Variants in RASGRP3 observed in about 807,000 individuals in gnomAD.
RASGRP3 encodes the protein RAS guanyl releasing protein 3.
A neutral mutation model predicts 82.7 loss-of-function variants in RASGRP3; 54 were observed. That is an observed-to-expected ratio of 0.65 (90% CI 0.52 to 0.82). The LOEUF (loss-of-function observed/expected upper bound fraction) is 0.82. Among genes scored for constraint, RASGRP3 ranks in the 40% least tolerant of loss-of-function variants. RASGRP3 has a pLI of 0.00. For synonymous variants in RASGRP3, 309 were observed against 300.5 expected (o/e 1.03, Z -0.29); for missense variants, 861 against 828.9 (o/e 1.04, Z -0.48).
At chr2:33,450,858 G>T (rs1202846228) in intron 2 of RASGRP3, among the ~76,000 whole-genome samples, 1 of 10,452 alleles carries the variant, frequency 9.6e-5, no homozygotes, top group Non-Finnish European at 2.4e-4. Flanking sequence ...TTTTTTTTGA[G>T]ACAGAGTCTT....
intron 1 of RASGRP3, chr2:33,436,690 C>A (rs1020697973): frequency 6.6e-6 from 1 of 152,146 alleles, no homozygotes; most frequent in African/African-American, 2.4e-5. Flanking sequence ...GAGGTCCGAT[C>A]CTCATGTAAC....
intron 14 of RASGRP3, among the ~76,000 whole-genome samples, chr2:33,553,221 G>A (rs1675546413): frequency 6.6e-6 from 1 of 152,098 alleles, no homozygotes; most frequent in African/African-American, 2.4e-5. Context: ...GTATGCAGGG[G>A]CAATGGCTTC....
intron 2 of RASGRP3, among the ~76,000 whole-genome samples, chr2:33,462,602 T>TCCTGACCTCAGGTGATTCACCCG (rs1322756574): frequency 3.3e-5 from 5 of 152,096 alleles, no homozygotes; most frequent in Non-Finnish European, 7.4e-5. Context: ...GGTTTCAAAC[T>TCCTGACCTCAGGTGATTCACCCG]CCTGACCTCA....
chr2:33,555,450 C>A, intron 14 of RASGRP3, 81 bp from the exon 15 acceptor site: 3 of 1,294,974 alleles, frequency 2.3e-6, no homozygotes, highest in East Asian at 2.4e-5. Flanking sequence ...TGAAGCTTCC[C>A]AGGACTTCCT....
intron 13 of RASGRP3, among the ~76,000 whole-genome samples, chr2:33,546,265 T>C (rs1186069080): frequency 6.6e-6 from 1 of 151,310 alleles, no homozygotes; most frequent in Non-Finnish European, 1.5e-5. Context: ...CTACTAAAAA[T>C]ACAAAAAATT....
At chr2:33,499,819 G>A (rs1669696049) in intron 1 of RASGRP3, among the ~76,000 whole-genome samples, 1 of 151,614 alleles carries the variant, frequency 6.6e-6, no homozygotes, top group South Asian at 2.1e-4. Context: ...AAACCAATTT[G>A]AAGTGTACAG....
intron 1 of RASGRP3, among the ~76,000 whole-genome samples, chr2:33,440,841 C>T (rs1665185437): frequency 6.6e-6 from 1 of 152,122 alleles, no homozygotes; most frequent in Non-Finnish European, 1.5e-5. Context: ...GAATACAATA[C>T]AATTTTATTA....
At position 33,518,697 on chromosome 2, in the gene RASGRP3, TACTC is replaced by T. The variant is rs1292785226; in HGVS notation, c.174-1254_174-1251del. ...TCTTAATATCTTTATTCTACAAACT[TACTC>T]TATTTAAATTTTTTTTTTTACTTTT... is the stretch of plus-strand genomic sequence containing the variant. On this transcript the variant is annotated intron_variant, in intron 4 of 17. Coordinates refer to ENST00000403687, the MANE Select transcript of RASGRP3 (RefSeq NM_001139488.2). Among the ~76,000 whole-genome samples the T allele has an allele frequency of 5.9e-5, 9 of 152,152 alleles. No homozygotes were observed. The East Asian group carries it at 1.2e-3, about 20-fold the overall frequency.
chr2:33,452,834 C>G (rs535948034), intron 2 of RASGRP3, among the ~76,000 whole-genome samples: 15 of 152,268 alleles, frequency 9.9e-5, no homozygotes, highest in African/African-American at 3.1e-4. Flanking sequence ...GCTATAGAGG[C>G]CTGCTTGCAG....
At chr2:33,555,661 A>T in intron 15 of RASGRP3, 94 bp downstream of exon 15, 1 of 1,141,838 alleles carries the variant, frequency 8.8e-7, no homozygotes, top group Non-Finnish European at 1.3e-6. Flanking sequence ...TCTTGCCATT[A>T]TTCGGAATTT....
chr2:33,512,725 ATTCAT>A (rs1352762151), intron 2 of RASGRP3, among the ~76,000 whole-genome samples: 1 of 152,224 alleles, frequency 6.6e-6, no homozygotes, highest in Non-Finnish European at 1.5e-5. Context: ...GTTTCATGAT[ATTCAT>A]TTCCTCACCC....
At chr2:33,463,529 A>G (rs1666496607) in intron 2 of RASGRP3, among the ~76,000 whole-genome samples, 1 of 151,314 alleles carries the variant, frequency 6.6e-6, no homozygotes, top group Non-Finnish European at 1.5e-5. Context: ...GGGGGCCCAC[A>G]GAGGCTGGGG....
intron 1 of RASGRP3, among the ~76,000 whole-genome samples, chr2:33,486,314 C>T (rs1668375649): frequency 6.6e-6 from 1 of 151,970 alleles, no homozygotes; most frequent in Non-Finnish European, 1.5e-5. Context: ...CAGGTGCCCA[C>T]CACCAAACCC....
At chr2:33,491,682 A>ATG (rs1668856639) in intron 1 of RASGRP3, among the ~76,000 whole-genome samples, 1 of 152,276 alleles carries the variant, frequency 6.6e-6, no homozygotes, top group Non-Finnish European at 1.5e-5. Flanking sequence ...CCAACAAAAT[A>ATG]TCATCAGTCC....
Position 33,559,094 on chromosome 2 carries a change from G to T in RASGRP3, c.2064+64G>T. 5.2e-6 allele frequency: 7 copies of T among 1,345,274 alleles called. No individual in the cohort carries two copies. In the African/African-American group the frequency reaches 7.4e-5, roughly 14 times the overall value. 83.3% of individuals were successfully genotyped at this position (1,345,274 alleles called of 1,614,324 possible). Reference sequence around the variant, plus strand: ...GGAGGCTGAAAGTGCTGAGATGAGCGTTACAGAGGGTCTGGGGGGCAGCCT... The same window carrying T: ...GGAGGCTGAAAGTGCTGAGATGAGCTTTACAGAGGGTCTGGGGGGCAGCCT... On this transcript the variant is annotated intron_variant, in intron 17 of 17. Coordinates refer to ENST00000403687, the MANE Select transcript of RASGRP3 (RefSeq NM_001139488.2).
chr2:33,514,941 G>C (rs1469847921), intron 2 of RASGRP3, 69 bp from the exon 3 acceptor site: 1 of 579,548 alleles, frequency 1.7e-6, no homozygotes, highest in Non-Finnish European at 3.1e-6. Flanking sequence ...TTTTCAGGTA[G>C]GAAAGTGATG....
At chr2:33,536,382 G>A (rs2151060009) in intron 11 of RASGRP3, among the ~76,000 whole-genome samples, 1 of 151,566 alleles carries the variant, frequency 6.6e-6, no homozygotes, top group Non-Finnish European at 1.5e-5. Context: ...GTGAGAGTAG[G>A]TATCTCACTC....
At chr2:33,498,685 G>A (rs895373575) in intron 1 of RASGRP3, among the ~76,000 whole-genome samples, 1 of 152,132 alleles carries the variant, frequency 6.6e-6, no homozygotes, top group African/African-American at 2.4e-5. Flanking sequence ...TCTGTGTGCA[G>A]CATTCTCCTT....
In RASGRP3 at chr2:33,524,894, G is replaced by A. The variant is rs189143112; in HGVS notation, c.807+346G>A. ...GGAGATCTATACCATCCTGGCTAAC[G>A]TGGTGAAACCCCGTCTCTACTAAAA... On this transcript the variant is annotated intron_variant, in intron 9 of 17. Coordinates refer to ENST00000403687, the MANE Select transcript of RASGRP3 (RefSeq NM_001139488.2). 4.0e-5 allele frequency among the ~76,000 whole-genome samples: 6 copies of A among 151,788 alleles called. No homozygotes were observed. In the East Asian group the frequency reaches 5.8e-4, roughly 15 times the overall value.
Sources: gnomAD v4.1 joint callset for allele counts (sites outside exome capture counted in the v4.1 genomes callset) on GRCh38, gnomAD v4.1.1 for gene constraint, MANE v1.5 for transcripts, NCBI Gene and HGNC (gene_info 2026-07-23, HGNC 2026-07-21) for gene names.